TTC27: variants seen among roughly 807,000 people sequenced by gnomAD.
TTC27 encodes tetratricopeptide repeat domain 27.
Under a neutral mutation model 115.9 loss-of-function variants are expected in TTC27, and 79 were observed. The ratio of observed to expected loss-of-function variants is 0.68; its 90% CI spans 0.57 to 0.82. The LOEUF is 0.82. Ranked by LOEUF, TTC27 falls within the 40% of genes least tolerant of loss-of-function variation. The probability of loss-of-function intolerance (pLI) is 0.00; values close to 1 mark genes in which losing one functional copy is unlikely to be tolerated. For missense variants in TTC27, 1,054 were observed against 993.1 expected (o/e 1.06, Z -0.82); for synonymous variants, 401 against 356.0 (o/e 1.13, Z -1.42).
At chr2:32,667,603 A>G (rs1337806583) in intron 7 of TTC27, among the ~76,000 whole-genome samples, 1 of 150,822 alleles carries the variant, frequency 6.6e-6, no homozygotes, top group African/African-American at 2.4e-5. Context: ...TTTGGTAGAG[A>G]CAGGGTTTCT....
At position 32,674,034 on chromosome 2, in the gene TTC27, A is replaced by G. The variant is rs561829785; in HGVS notation, c.1052+1650A>G. Among the ~76,000 whole-genome samples, 8 of 152,234 alleles carry G rather than the reference A, an allele frequency of 5.3e-5. No individual in the cohort carries two copies. In the South Asian group the frequency reaches 1.2e-3, roughly 24 times the overall value. ...TAATTTTAGACTAAATGAATATCCC[A>G]TTTGTCATCAAGAGATTTATTAATA... On this transcript the variant is annotated intron_variant, in intron 8 of 19. Coordinates refer to ENST00000317907, the MANE Select transcript of TTC27 (RefSeq NM_017735.5).
intron 10 of TTC27, among the ~76,000 whole-genome samples, chr2:32,727,955 A>T (rs1668163163): frequency 6.6e-6 from 1 of 152,010 alleles, no homozygotes; most frequent in Non-Finnish European, 1.5e-5. Flanking sequence ...TGGAAACAGA[A>T]GGTTGAACTG....
intron 10 of TTC27, among the ~76,000 whole-genome samples, chr2:32,709,147 GA>G (rs891742845): frequency 2.0e-5 from 3 of 152,174 alleles, no homozygotes; most frequent in Non-Finnish European, 4.4e-5. Context: ...AAATGGAGGA[GA>G]GGGGACAAAT....
chr2:32,739,120 C>G (rs1362360566), intron 12 of TTC27, among the ~76,000 whole-genome samples: 3 of 152,148 alleles, frequency 2.0e-5, no homozygotes, highest in South Asian at 2.1e-4. Context: ...TTGTCTGACA[C>G]TAAAGTAGTA....
At chr2:32,784,999 G>A (rs556709414) in intron 15 of TTC27, among the ~76,000 whole-genome samples, 2 of 152,284 alleles carry the variant, frequency 1.3e-5, no homozygotes, top group Admixed American at 6.5e-5. Flanking sequence ...TTGCAAGAAG[G>A]AATCCCTGAG....
In TTC27 at chr2:32,728,263, G is replaced by A. The variant is rs1219031219; in HGVS notation, c.1234-5565G>A. On this transcript the variant is annotated intron_variant, in intron 10 of 19. Coordinates refer to ENST00000317907, the MANE Select transcript of TTC27 (RefSeq NM_017735.5). ...TCACCCTGTTAGCCAGGATGGTCTC[G>A]ATCTCCTGATCTTGTGATCCGCCGG... Among the ~76,000 whole-genome samples, 4 of 152,040 alleles carry A rather than the reference G, an allele frequency of 2.6e-5. No individual in the cohort carries two copies. The South Asian group carries it at 6.3e-4, about 24-fold the overall frequency.
Position 32,702,881 on chromosome 2 carries a change from A to G in TTC27, c.1194A>G (p.Gly398=). 6.2e-7 allele frequency: 1 copy of G among 1,614,106 alleles called. No homozygotes were observed. Among genetic ancestry groups the G allele is most frequent in the Non-Finnish European group, 8.5e-7 (1 of 1,179,982 alleles). Residue 398 remains glycine (G), a synonymous_variant, in exon 10 of 20, where the codon GGA becomes GGG. Transcript: ENST00000317907. The part of the protein sequence containing the change: ...ALILRTKLEK[G]STRRVERAMR... ...TCCTCCGGACAAAACTTGAGAAAGG[A>G]AGTACTCGCCGAGTGGAACGGGCAA...
chr2:32,764,456 A>T (rs1669555061), intron 13 of TTC27, among the ~76,000 whole-genome samples: 1 of 152,236 alleles, frequency 6.6e-6, no homozygotes, highest in Admixed American at 6.5e-5. Context: ...CCAAAAAAAA[A>T]TGCTAATGAT....
chr2:32,667,414 C>CTT (rs58456949), intron 7 of TTC27, among the ~76,000 whole-genome samples: 35 of 127,008 alleles, frequency 2.8e-4, no homozygotes, highest in Middle Eastern at 4.0e-3. Flanking sequence ...CCCCCAACTA[C>CTT]TTTTTTTTTT....
Position 32,630,648 on chromosome 2 carries a change from A to T in TTC27, c.214A>T (p.Lys72Ter). 1 of 1,613,696 alleles carries T rather than the reference A, an allele frequency of 6.2e-7. No homozygotes were observed. The highest frequency in any genetic ancestry group is 8.5e-7 in the Non-Finnish European group (1 of 1,179,876). ...AGAAAAGATTGATAGCTACCTGGAG[A>T]AGCAGGTAGTAACATTCCTGGATTA... ...AEEKIDSYLEKQVVTFLDYST... is the reference protein window; with the variant it reads ...AEEKIDSYLE Residue 72 changes from lysine to a stop codon, truncating the protein, a stop_gained, in exon 2 of 20, where the codon AAG (lysine) becomes TAG (stop). Coordinates refer to ENST00000317907, the MANE Select transcript of TTC27 (RefSeq NM_017735.5). LOFTEE classifies it high-confidence loss of function.
intron 15 of TTC27, among the ~76,000 whole-genome samples, chr2:32,784,605 A>G (rs535137090): frequency 1.3e-5 from 2 of 152,354 alleles, no homozygotes; most frequent in Middle Eastern, 3.4e-3. Flanking sequence ...TAATGGTGCA[A>G]TATCTCTACT....
In TTC27 at chr2:32,630,628, AG is replaced by A; in HGVS notation, c.195del (p.Ile66LeufsTer9). 6.2e-7 allele frequency: 1 copy of A among 1,614,008 alleles called. No individual in the cohort carries two copies. The highest frequency in any genetic ancestry group is 8.5e-7 in the Non-Finnish European group (1 of 1,179,974). On this transcript the variant is annotated frameshift_variant, in exon 2 of 20. Coordinates refer to ENST00000317907, the MANE Select transcript of TTC27 (RefSeq NM_017735.5). LOFTEE classifies it high-confidence loss of function. Reference sequence around the variant, plus strand: ...AATTCAACAACAACCGCTGAAGAAAAGATTGATAGCTACCTGGAGAAGCAGG... The same window carrying A: ...AATTCAACAACAACCGCTGAAGAAAAATTGATAGCTACCTGGAGAAGCAGG... Reference protein sequence around the residue: ...IFNSTTTAEEKIDSYLEKQVV... With the variant: ...IFNSTTTAEEXIDSYLEKQVV...
intron 13 of TTC27, among the ~76,000 whole-genome samples, chr2:32,772,146 G>A (rs1669850194): frequency 6.6e-6 from 1 of 152,106 alleles, no homozygotes; most frequent in Admixed American, 6.5e-5. Context: ...GTCTAGTGGT[G>A]CTTAGTTTTT....
chr2:32,631,042 GCCTGTAGTC>G (rs761641083), intron 2 of TTC27, among the ~76,000 whole-genome samples: 83 of 152,236 alleles, frequency 5.5e-4, no homozygotes, highest in Middle Eastern at 3.4e-3. Context: ...AGTGCTTCAC[GCCTGTAGTC>G]CCAGTGCTTT....
chr2:32,705,705 A>G lies in TTC27; in HGVS notation c.1233+2785A>G, dbSNP rs989749047. ...TACCACTAGTTAGGGCTACAGGTGC[A>G]TGCAACTGTGCCTGGATAGTTTTTT... On this transcript the variant is annotated intron_variant, in intron 10 of 19. Coordinates refer to ENST00000317907, the MANE Select transcript of TTC27 (RefSeq NM_017735.5). Among the ~76,000 whole-genome samples, 9 of 152,134 alleles carry G rather than the reference A, an allele frequency of 5.9e-5. No individual in the cohort carries two copies. In the East Asian group the frequency reaches 1.7e-3, roughly 30 times the overall value.
At position 32,682,844 on chromosome 2, in the gene TTC27, G is replaced by GTTTTTTTTTTTTTTTTTTTTT. The variant is rs142030247; in HGVS notation, c.1119+3924_1119+3925insTTTTTTTTTTTTTTTTTTTTT. Among the ~76,000 whole-genome samples the GTTTTTTTTTTTTTTTTTTTTT allele has an allele frequency of 1.1e-4, 6 of 56,978 alleles. 2 individuals carry two copies. The highest frequency in any genetic ancestry group is 1.5e-4 in the African/African-American group (2 of 13,302). 37.4% of individuals were successfully genotyped at this position (56,978 alleles called of 152,430 possible). On this transcript the variant is annotated intron_variant, in intron 9 of 19. Transcript: ENST00000317907. ...CCACCACACCCGGATAATTTTTATT[G>GTTTTTTTTTTTTTTTTTTTTT]TTGTTTTTTTTTTTTTTTTTTTTTT... is the stretch of plus-strand genomic sequence containing the variant.
intron 14 of TTC27, among the ~76,000 whole-genome samples, chr2:32,779,093 G>A (rs946598714): frequency 2.6e-5 from 4 of 152,104 alleles, no homozygotes; most frequent in South Asian, 2.1e-4. Context: ...GCGTGATGAC[G>A]CATGCCGTGG....
intron 16 of TTC27, among the ~76,000 whole-genome samples, chr2:32,801,199 A>C (rs1191513891): frequency 6.6e-6 from 1 of 152,170 alleles, no homozygotes; most frequent in Non-Finnish European, 1.5e-5. Context: ...ATGCAATGTT[A>C]GTTTTCTAGG....
At chr2:32,631,336 A>G (rs1664203221) in intron 2 of TTC27, among the ~76,000 whole-genome samples, 1 of 152,104 alleles carries the variant, frequency 6.6e-6, no homozygotes, top group Admixed American at 6.6e-5. Context: ...ACATACTTTC[A>G]ATCTTGTTAT....
Sources: allele counts gnomAD v4.1 joint callset (sites outside exome capture counted in the v4.1 genomes callset), GRCh38; gene constraint gnomAD v4.1.1; transcripts MANE v1.5; gene names NCBI Gene and HGNC (gene_info 2026-07-23, HGNC 2026-07-21).